The following RFTN2 variants were observed in gnomAD, a reference collection of about 807,000 sequenced individuals.
RFTN2 encodes raftlin-2.
A neutral mutation model predicts 52.7 loss-of-function variants in RFTN2; 34 were observed. That is an observed-to-expected ratio of 0.64 (90% confidence interval 0.49 to 0.86). The LOEUF (loss-of-function observed/expected upper bound fraction) is 0.86. Among genes scored for constraint, RFTN2 ranks in the 40% least tolerant of loss-of-function variants. RFTN2 has a pLI of 0.00. For missense variants in RFTN2, 536 were observed against 600.1 expected, an observed-to-expected ratio of 0.89 and a Z score of 1.12; for synonymous variants, 203 against 217.7, an observed-to-expected ratio of 0.93 and a Z score of 0.59.
At chr2:197,651,826 CT>C (rs2088831799) in intron 1 of RFTN2, among the ~76,000 whole-genome samples, 1 of 152,100 alleles carries the variant, frequency 6.6e-6, no homozygotes, top group African/African-American at 2.4e-5. Context: ...AAATAAAGAA[CT>C]TTGATACTTT....
chr2:197,624,629 C>T (rs2088324759), intron 5 of RFTN2, among the ~76,000 whole-genome samples: 1 of 146,556 alleles, frequency 6.8e-6, no homozygotes, highest in South Asian at 2.2e-4. Context: ...AAAGAAAGAG[C>T]CAATTGATGC....
chr2:197,575,378 G>A (rs1203403033), intron 8 of RFTN2, among the ~76,000 whole-genome samples: 1 of 152,192 alleles, frequency 6.6e-6, no homozygotes, highest in Non-Finnish European at 1.5e-5. Context: ...TTTATTTTGA[G>A]CGAGTGTCTA....
intron 7 of RFTN2, among the ~76,000 whole-genome samples, chr2:197,613,984 T>C (rs1048003841): frequency 6.6e-6 from 1 of 152,264 alleles, no homozygotes; most frequent in Non-Finnish European, 1.5e-5. Context: ...CTTTAGTATT[T>C]GATGATCCCA....
In RFTN2 at chr2:197,652,924, A is replaced by G. The variant is rs1024084037; in HGVS notation, c.140-6258T>C. On this transcript the variant is annotated intron_variant, in intron 1 of 8. Coordinates refer to ENST00000295049, the MANE Select transcript of RFTN2 (RefSeq NM_144629.3). ...CTGACTGCAAACTAATTATAAGCCA[A>G]GAGTTAATCTAATGTGATCGTTGGC... Among the ~76,000 whole-genome samples, 9 of 152,356 alleles carry G rather than the reference A, an allele frequency of 5.9e-5. 1 individual carries two copies. The highest frequency in any genetic ancestry group is 5.2e-4 in the Admixed American group (8 of 15,304).
chr2:197,634,293 T>C (rs1481308647), intron 3 of RFTN2, among the ~76,000 whole-genome samples: 1 of 152,206 alleles, frequency 6.6e-6, no homozygotes, highest in Non-Finnish European at 1.5e-5. Flanking sequence ...TTCTGTAGCA[T>C]GATTTTTGCA....
At chr2:197,640,016 GC>G (rs1405076339) in intron 3 of RFTN2, among the ~76,000 whole-genome samples, 1 of 152,224 alleles carries the variant, frequency 6.6e-6, no homozygotes, top group Non-Finnish European at 1.5e-5. Flanking sequence ...ATGTCAGTGT[GC>G]CCCTGCTGGG....
At chr2:197,604,996 G>C (rs1023155705) in intron 7 of RFTN2, among the ~76,000 whole-genome samples, 3 of 151,988 alleles carry the variant, frequency 2.0e-5, no homozygotes, top group Non-Finnish European at 4.4e-5. Flanking sequence ...CCTGACCTCA[G>C]GTGACCCATC....
intron 8 of RFTN2, among the ~76,000 whole-genome samples, chr2:197,594,266 C>T (rs762527165): frequency 4.6e-5 from 7 of 151,800 alleles, no homozygotes; most frequent in South Asian, 2.1e-4. Context: ...CGCCCACTTC[C>T]GCCTCCCAGA....
At chr2:197,607,029 A>G (rs1258635546) in intron 7 of RFTN2, among the ~76,000 whole-genome samples, 2 of 152,232 alleles carry the variant, frequency 1.3e-5, no homozygotes, top group Non-Finnish European at 2.9e-5. Flanking sequence ...ACACATGCAC[A>G]CGTATGTTTA....
chr2:197,635,552 T>C (rs1221460302), intron 3 of RFTN2, among the ~76,000 whole-genome samples: 1 of 150,588 alleles, frequency 6.6e-6, no homozygotes, highest in Non-Finnish European at 1.5e-5. Context: ...GAAGTGTCTG[T>C]TCATGTCCTT....
intron 5 of RFTN2, among the ~76,000 whole-genome samples, chr2:197,620,482 G>T (rs2088244797): frequency 6.6e-6 from 1 of 152,132 alleles, no homozygotes; most frequent in African/African-American, 2.4e-5. Context: ...CTAAAGGCCT[G>T]CAAACTTTTC....
intron 7 of RFTN2, among the ~76,000 whole-genome samples, chr2:197,603,378 G>C (rs982858481): frequency 6.6e-6 from 1 of 152,056 alleles, no homozygotes; most frequent in Non-Finnish European, 1.5e-5. Flanking sequence ...AGAGTAAAAA[G>C]ACAAGCCACA....
chr2:197,575,845 ATT>A (rs1445021321), intron 8 of RFTN2, among the ~76,000 whole-genome samples: 22 of 142,636 alleles, frequency 1.5e-4, no homozygotes, highest in Non-Finnish European at 2.7e-4. Context: ...TATTATATAT[ATT>A]TTATATACAT....
At chr2:197,668,527 C>T (rs77946222) in intron 1 of RFTN2, among the ~76,000 whole-genome samples, 25,949 of 152,144 alleles carry the variant, frequency 0.17, 2,471 homozygotes, top group Middle Eastern at 0.27. Flanking sequence ...GCGTGGTAGC[C>T]TGTGGTCATT....
intron 3 of RFTN2, among the ~76,000 whole-genome samples, chr2:197,634,791 T>A (rs2088534438): frequency 6.6e-6 from 1 of 151,986 alleles, no homozygotes; most frequent in African/African-American, 2.4e-5. Flanking sequence ...ATTGTGCAGG[T>A]TAGTTACATA....
chr2:197,649,346 T>C (rs770297121), intron 1 of RFTN2, among the ~76,000 whole-genome samples: 38 of 152,174 alleles, frequency 2.5e-4, no homozygotes, highest in Non-Finnish European at 5.0e-4. Flanking sequence ...CTCATTTTAA[T>C]GATATTACAA....
At chr2:197,617,250 T>C (rs1031698507) in intron 6 of RFTN2, among the ~76,000 whole-genome samples, 10 of 152,350 alleles carry the variant, frequency 6.6e-5, no homozygotes, top group African/African-American at 2.4e-4. Context: ...TGCCAGGCGA[T>C]GTTTTTTGGC....
intron 1 of RFTN2, among the ~76,000 whole-genome samples, chr2:197,654,831 C>T (rs2088871772): frequency 6.6e-6 from 1 of 151,992 alleles, no homozygotes; most frequent in Non-Finnish European, 1.5e-5. Context: ...AACGTCAACT[C>T]TACTAAAAAT....
At chr2:197,598,448 G>T (rs1454153197) in intron 7 of RFTN2, among the ~76,000 whole-genome samples, 1 of 152,176 alleles carries the variant, frequency 6.6e-6, no homozygotes, top group African/African-American at 2.4e-5. Context: ...AAAGAACCAG[G>T]TCTGGAACGA....
Sources: gnomAD v4.1 joint callset for allele counts (sites outside exome capture counted in the v4.1 genomes callset) on GRCh38, gnomAD v4.1.1 for gene constraint, MANE v1.5 for transcripts, NCBI Gene and HGNC (gene_info 2026-07-23, HGNC 2026-07-21) for gene names.